Variants in ADGRL2 observed in about 807,000 individuals in gnomAD.
ADGRL2 encodes the protein calcium-independent alpha-latrotoxin receptor 2.
Under a neutral mutation model 157.4 loss-of-function variants are expected in ADGRL2, and 44 were observed. That is an observed-to-expected ratio of 0.28 (90% CI 0.22 to 0.36). The LOEUF (loss-of-function observed/expected upper bound fraction) is 0.36. ADGRL2 is among the 10% of genes least tolerant of loss of function. The pLI, the probability that ADGRL2 is intolerant of heterozygous loss-of-function variation, is 1.00. For missense variants in ADGRL2, 1,510 were observed against 1,768.9 expected, an observed-to-expected ratio of 0.85 and a Z score of 2.63; for synonymous variants, 585 against 624.7, an observed-to-expected ratio of 0.94 and a Z score of 0.95.
In ADGRL2 at chr1:81,817,840, C is replaced by T. The variant is rs575994400; in HGVS notation, c.-101+16772C>T. Among the ~76,000 whole-genome samples, 67 of 151,990 alleles carry T rather than the reference C, an allele frequency of 4.4e-4. 1 individual carries two copies. The highest frequency in any genetic ancestry group is 2.9e-3 in the South Asian group (14 of 4,812). On this transcript the variant is annotated intron_variant, in intron 1 of 23. Coordinates refer to ENST00000686636, the MANE Select transcript of ADGRL2 (RefSeq NM_001366006.2). ...CTCCTAGTTTATTACTTTATTGAGA[C>T]GCACAGCACTAGAGAATTCTTGCTA...
intron 3 of ADGRL2, among the ~76,000 whole-genome samples, chr1:81,670,773 G>A (rs560571849): frequency 6.6e-6 from 1 of 152,304 alleles, no homozygotes; most frequent in East Asian, 1.9e-4. Flanking sequence ...TGGGTGCAAT[G>A]GCACGATCTT....
chr1:81,376,239 C>T (rs765408921), intron 1 of ADGRL2, among the ~76,000 whole-genome samples: 27 of 152,214 alleles, frequency 1.8e-4, no homozygotes, highest in Admixed American at 1.3e-4. Flanking sequence ...TTCCAGAGAA[C>T]CATTAGGCAT....
chr1:81,804,527 A>G (rs1201240075), intron 1 of ADGRL2, among the ~76,000 whole-genome samples: 1 of 152,246 alleles, frequency 6.6e-6, no homozygotes, highest in Non-Finnish European at 1.5e-5. Context: ...TGTAAAGGGT[A>G]AAAATAGGGA....
At chr1:81,954,863 T>C (rs1407064605) in intron 10 of ADGRL2, among the ~76,000 whole-genome samples, 3 of 152,216 alleles carry the variant, frequency 2.0e-5, no homozygotes, top group Admixed American at 2.0e-4. Flanking sequence ...ATTTTTATTG[T>C]TGTTCTTTTT....
intron 2 of ADGRL2, among the ~76,000 whole-genome samples, chr1:81,518,654 A>G (rs1364348964): frequency 1.3e-5 from 2 of 152,316 alleles, no homozygotes. Context: ...TGGGAGAGGT[A>G]TTTAACTTCT....
At chr1:81,453,207 A>T (rs184518331) in intron 2 of ADGRL2, among the ~76,000 whole-genome samples, 54 of 152,354 alleles carry the variant, frequency 3.5e-4, no homozygotes, top group Admixed American at 1.0e-3. Flanking sequence ...ATAACAACTC[A>T]CAGCTGATTA....
intron 2 of ADGRL2, among the ~76,000 whole-genome samples, chr1:81,537,787 C>A (rs545612688): frequency 6.6e-6 from 1 of 151,654 alleles, no homozygotes; most frequent in African/African-American, 2.4e-5. Context: ...GCAACCTCCA[C>A]CTCCCAGGTT....
At chr1:81,828,139 A>G (rs1036471735) in intron 1 of ADGRL2, among the ~76,000 whole-genome samples, 1 of 152,226 alleles carries the variant, frequency 6.6e-6, no homozygotes, top group Non-Finnish European at 1.5e-5. Flanking sequence ...ATTGGCACAC[A>G]GCCAATGTCA....
intron 1 of ADGRL2, among the ~76,000 whole-genome samples, chr1:81,345,828 A>G (rs1421532953): frequency 2.6e-5 from 4 of 152,230 alleles, no homozygotes; most frequent in Non-Finnish European, 5.9e-5. Context: ...TAGTAACAAT[A>G]TAGATATTCA....
intron 3 of ADGRL2, among the ~76,000 whole-genome samples, chr1:81,687,201 T>C (rs2148976081): frequency 6.6e-6 from 1 of 152,320 alleles, no homozygotes; most frequent in Non-Finnish European, 1.5e-5. Flanking sequence ...ACTTTCTGTC[T>C]TGATGAACTG....
chr1:81,606,056 TC>T (rs1211601270), intron 3 of ADGRL2, among the ~76,000 whole-genome samples: 1 of 152,102 alleles, frequency 6.6e-6, no homozygotes, highest in Non-Finnish European at 1.5e-5. Context: ...CTGTCTTAAC[TC>T]CCCCCATTCA....
chr1:81,631,802 TC>T (rs2082015469), intron 3 of ADGRL2, among the ~76,000 whole-genome samples: 1 of 151,978 alleles, frequency 6.6e-6, no homozygotes. Context: ...CATTCTCACT[TC>T]CCCCTGCCTG....
chr1:81,735,894 C>T (rs2084882526), intron 1 of ADGRL2, among the ~76,000 whole-genome samples: 1 of 151,880 alleles, frequency 6.6e-6, no homozygotes, highest in African/African-American at 2.4e-5. Flanking sequence ...CCTGTAATCC[C>T]AGCACTTTGG....
At chr1:81,554,618 G>T (rs950687796) in intron 2 of ADGRL2, among the ~76,000 whole-genome samples, 6 of 151,914 alleles carry the variant, frequency 3.9e-5, no homozygotes, top group Non-Finnish European at 7.4e-5. Flanking sequence ...CGCTTTGCAA[G>T]AATGCCTAAA....
chr1:81,773,997 A>G (rs1433097195), intron 2 of ADGRL2, among the ~76,000 whole-genome samples: 1 of 152,188 alleles, frequency 6.6e-6, no homozygotes, highest in Non-Finnish European at 1.5e-5. Context: ...ATGGGAGATG[A>G]TCGCCATCTA....
chr1:81,853,657 A>G (rs1280781128), intron 2 of ADGRL2, among the ~76,000 whole-genome samples: 2 of 152,204 alleles, frequency 1.3e-5, no homozygotes, highest in Non-Finnish European at 2.9e-5. Context: ...AAAGCAAATA[A>G]AGTATTAATA....
At chr1:81,810,827 G>A (rs1253587383) in intron 1 of ADGRL2, among the ~76,000 whole-genome samples, 1 of 151,666 alleles carries the variant, frequency 6.6e-6, no homozygotes, top group African/African-American at 2.4e-5. Context: ...CATATGCGTC[G>A]ACAAATAAAA....
At chr1:81,922,121 A>G (rs2094994789) in intron 3 of ADGRL2, among the ~76,000 whole-genome samples, 1 of 152,166 alleles carries the variant, frequency 6.6e-6, no homozygotes, top group African/African-American at 2.4e-5. Context: ...TAACTGTGAT[A>G]CCAAATCTCC....
intron 2 of ADGRL2, among the ~76,000 whole-genome samples, chr1:81,489,266 G>T (rs2078579228): frequency 6.6e-6 from 1 of 151,614 alleles, no homozygotes; most frequent in South Asian, 2.1e-4. Flanking sequence ...AAATAAAATA[G>T]ATGGAAAATC....
Sources: gnomAD v4.1 joint callset for allele counts (sites outside exome capture counted in the v4.1 genomes callset) on GRCh38, gnomAD v4.1.1 for gene constraint, MANE v1.5 for transcripts, NCBI Gene and HGNC (gene_info 2026-07-23, HGNC 2026-07-21) for gene names.